The following DOCK4 variants were observed in gnomAD, a reference collection of about 807,000 sequenced individuals.
DOCK4 encodes the protein dedicator of cytokinesis 4, also known as dedicator of cytokinesis protein 4.
Under a neutral mutation model 268.1 loss-of-function variants are expected in DOCK4, and 97 were observed. That is an observed-to-expected ratio of 0.36 (90% CI 0.31 to 0.43). The LOEUF is 0.43. DOCK4 is among the 20% of genes least tolerant of loss of function. The probability of loss-of-function intolerance (pLI) is 1.00; values close to 1 mark genes in which losing one functional copy is unlikely to be tolerated. For missense variants in DOCK4, 2,145 were observed against 2,455.7 expected, an observed-to-expected ratio of 0.87 and a Z score of 2.67; for synonymous variants, 954 against 887.2, an observed-to-expected ratio of 1.08 and a Z score of -1.34.
At chr7:112,115,083 T>G (rs1812006777) in intron 1 of DOCK4, among the ~76,000 whole-genome samples, 1 of 152,168 alleles carries the variant, frequency 6.6e-6, no homozygotes, top group African/African-American at 2.4e-5. Flanking sequence ...CAAGCAGAAT[T>G]TGGGCTCTCC....
chr7:112,096,831 C>T (rs919639353), intron 1 of DOCK4, among the ~76,000 whole-genome samples: 1 of 152,130 alleles, frequency 6.6e-6, no homozygotes, highest in African/African-American at 2.4e-5. Flanking sequence ...AGAAGGGCAA[C>T]TGGACATTCT....
chr7:112,032,711 C>T (rs952049781), intron 1 of DOCK4, among the ~76,000 whole-genome samples: 2 of 152,092 alleles, frequency 1.3e-5, no homozygotes, highest in Non-Finnish European at 2.9e-5. Flanking sequence ...TGTTGTTTAT[C>T]TTTATTGGCT....
At chr7:112,133,204 C>A (rs746231861) in intron 1 of DOCK4, among the ~76,000 whole-genome samples, 1 of 152,094 alleles carries the variant, frequency 6.6e-6, no homozygotes, top group African/African-American at 2.4e-5. Flanking sequence ...TGGGTGCCTG[C>A]GGGAGCTTCT....
At chr7:111,918,799 T>C (rs1792846410) in intron 12 of DOCK4, among the ~76,000 whole-genome samples, 1 of 152,186 alleles carries the variant, frequency 6.6e-6, no homozygotes, top group Non-Finnish European at 1.5e-5. Flanking sequence ...AAAACACTGT[T>C]CAAATCCTGA....
chr7:111,897,838 A>C (rs1235270111), intron 15 of DOCK4, among the ~76,000 whole-genome samples: 3 of 152,154 alleles, frequency 2.0e-5, no homozygotes, highest in African/African-American at 7.2e-5. Flanking sequence ...TTTGTTCCCC[A>C]AACAGATTCT....
intron 15 of DOCK4, among the ~76,000 whole-genome samples, chr7:111,899,957 A>T (rs141657480): frequency 6.6e-6 from 1 of 152,308 alleles, no homozygotes; most frequent in East Asian, 1.9e-4. Context: ...AAATGAGGCA[A>T]TTACTTCATG....
At chr7:111,778,415 C>T in intron 35 of DOCK4, 46 bp from the exon 36 acceptor site, 1 of 1,281,624 alleles carries the variant, frequency 7.8e-7, no homozygotes, top group Admixed American at 1.8e-5. Flanking sequence ...AACAATCTGG[C>T]CTACAATTAT....
At chr7:111,974,269 A>G (rs1233500238) in intron 8 of DOCK4, among the ~76,000 whole-genome samples, 1 of 152,110 alleles carries the variant, frequency 6.6e-6, no homozygotes, top group Non-Finnish European at 1.5e-5. Context: ...TGTGTGGCCT[A>G]AGGCCTCAGA....
At chr7:112,155,645 T>G (rs1320788990) in intron 1 of DOCK4, among the ~76,000 whole-genome samples, 1 of 152,204 alleles carries the variant, frequency 6.6e-6, no homozygotes, top group Non-Finnish European at 1.5e-5. Flanking sequence ...CCTCCTTCAG[T>G]TAGGAGTCCC....
intron 1 of DOCK4, among the ~76,000 whole-genome samples, chr7:112,108,679 T>C (rs779062682): frequency 2.6e-5 from 4 of 152,190 alleles, no homozygotes; most frequent in African/African-American, 4.8e-5. Context: ...TTTCCACATA[T>C]ACCAAAATAA....
chr7:111,845,636 T>C (rs1804037992), intron 24 of DOCK4, among the ~76,000 whole-genome samples: 1 of 152,300 alleles, frequency 6.6e-6, no homozygotes, highest in South Asian at 2.1e-4. Flanking sequence ...AAAATACTTT[T>C]AGAAAGTACG....
chr7:111,871,659 A>G (rs1806438438), intron 20 of DOCK4, among the ~76,000 whole-genome samples: 1 of 152,240 alleles, frequency 6.6e-6, no homozygotes. Flanking sequence ...ATCAGGGAGT[A>G]CAGTGATGAA....
chr7:112,039,057 G>T (rs971453591), intron 1 of DOCK4, among the ~76,000 whole-genome samples: 1 of 152,116 alleles, frequency 6.6e-6, no homozygotes, highest in African/African-American at 2.4e-5. Flanking sequence ...GACTTAGATG[G>T]AGGAGGCAGA....
rs1345078162 is a variant in DOCK4 at position 111,736,944 on chromosome 7, C to T, written c.5278G>A (p.Asp1760Asn). ...HIGDGALPRS[D>N]PNLSAPEKAV... ...TTTTCAGGTGCAGAGAGATTTGGGT[C>T]ACTGCGTGGCAAGGCCCCGTCTCCA... is the stretch of plus-strand genomic sequence containing the variant. The change falls in exon 50 of 53, where the codon GAC becomes AAC. Residue 1760 changes from aspartate to asparagine, a missense_variant. Physicochemically the swap from Asp to Asn is conservative, Grantham distance 23. This residue lies in a region of DOCK4 where 547 missense variants were observed against 469.0 expected (regional missense o/e 1.17). Coordinates refer to ENST00000428084, the MANE Select transcript of DOCK4 (RefSeq NM_001363540.2). 2 of 1,604,524 alleles carry T rather than the reference C, an allele frequency of 1.2e-6. No individual in the cohort carries two copies. The highest frequency in any genetic ancestry group is 1.7e-5 in the Admixed American group (1 of 58,736).
At chr7:111,851,444 CAA>C (rs71524820) in intron 23 of DOCK4, among the ~76,000 whole-genome samples, 15,948 of 72,234 alleles carry the variant, frequency 0.22, 1,180 homozygotes, top group African/African-American at 0.4. Context: ...GACTCCATCT[CAA>C]AAAAAAAAAA....
At chr7:111,750,896 C>T (rs1236462645) in intron 42 of DOCK4, among the ~76,000 whole-genome samples, 5 of 152,136 alleles carry the variant, frequency 3.3e-5, no homozygotes, top group African/African-American at 1.2e-4. Flanking sequence ...GATCCAAAAA[C>T]CAACCAAACA....
chr7:111,922,327 A>C (rs1793209625), intron 12 of DOCK4, among the ~76,000 whole-genome samples: 1 of 151,706 alleles, frequency 6.6e-6, no homozygotes, highest in South Asian at 2.1e-4. Flanking sequence ...TTGCTTATTT[A>C]TCTCTCTATA....
chr7:112,180,054 C>A (rs1437200445), intron 1 of DOCK4, among the ~76,000 whole-genome samples: 2 of 151,906 alleles, frequency 1.3e-5, no homozygotes, highest in African/African-American at 4.8e-5. Flanking sequence ...AAATGGAAAA[C>A]AAAATTCCAA....
chr7:111,828,080 G>A (rs2133995727), intron 26 of DOCK4, among the ~76,000 whole-genome samples: 1 of 152,244 alleles, frequency 6.6e-6, no homozygotes, highest in Non-Finnish European at 1.5e-5. Flanking sequence ...GGACAAAACT[G>A]TAGCCTCCAG....
Sources: allele counts gnomAD v4.1 joint callset (sites outside exome capture counted in the v4.1 genomes callset), GRCh38; gene constraint gnomAD v4.1.1; regional missense constraint gnomAD v4.1.1; transcripts MANE v1.5; gene names NCBI Gene and HGNC (gene_info 2026-07-23, HGNC 2026-07-21).